Variants in RTTN observed in about 807,000 individuals in gnomAD.
The protein encoded by RTTN is rotatin.
A neutral mutation model predicts 269.2 loss-of-function variants in RTTN; 182 were observed. The ratio of observed to expected loss-of-function variants is 0.68; its 90% CI spans 0.60 to 0.76. The LOEUF (loss-of-function observed/expected upper bound fraction) is 0.76. Among genes scored for constraint, RTTN ranks in the 30% least tolerant of loss-of-function variants. The pLI, the probability that RTTN is intolerant of heterozygous loss-of-function variation, is 0.00. For synonymous variants in RTTN, 1,006 were observed against 963.5 expected (o/e 1.04, Z -0.82); for missense variants, 2,545 against 2,608.6 (o/e 0.98, Z 0.53).
chr18:70,079,563 G>A (rs2058511234), intron 32 of RTTN, among the ~76,000 whole-genome samples: 1 of 152,058 alleles, frequency 6.6e-6, no homozygotes, highest in South Asian at 2.1e-4. Flanking sequence ...GCATAGTGGG[G>A]AAATTAGAGC....
intron 32 of RTTN, among the ~76,000 whole-genome samples, chr18:70,076,154 C>T (rs1420222795): frequency 6.6e-6 from 1 of 151,944 alleles, no homozygotes; most frequent in African/African-American, 2.4e-5. Flanking sequence ...TTTTCCCAAA[C>T]AATTTTTTGC....
At chr18:70,119,296 A>G (rs537748638) in intron 26 of RTTN, among the ~76,000 whole-genome samples, 1 of 136,590 alleles carries the variant, frequency 7.3e-6, no homozygotes, top group Non-Finnish European at 1.6e-5. Flanking sequence ...GCGCCCCCCC[A>G]AAAAAAAACC....
chr18:70,024,942 C>T, intron 43 of RTTN, 94 bp from the exon 44 acceptor site: 2 of 1,396,386 alleles, frequency 1.4e-6, no homozygotes, highest in South Asian at 2.8e-5. Flanking sequence ...CAACATAAGA[C>T]CCAAGGAGAA....
chr18:70,027,394 T>C (rs2145570638), intron 43 of RTTN, among the ~76,000 whole-genome samples: 1 of 152,364 alleles, frequency 6.6e-6, no homozygotes, highest in East Asian at 1.9e-4. Context: ...CTTAATATTC[T>C]TTGGATTTAC....
chr18:70,202,561 C>G (rs1244376966), intron 3 of RTTN, among the ~76,000 whole-genome samples: 1 of 152,224 alleles, frequency 6.6e-6, no homozygotes, highest in Non-Finnish European at 1.5e-5. Flanking sequence ...AACCATTCCT[C>G]TACTTTCACC....
intron 21 of RTTN, chr18:70,139,047 C>A (rs1470723805): frequency 3.4e-5 from 5 of 148,028 alleles, no homozygotes; most frequent in African/African-American, 1.2e-4. Context: ...CTACATGAAA[C>A]GTGTTCATCT....
chr18:70,195,424 C>T (rs2061781220), intron 7 of RTTN, among the ~76,000 whole-genome samples: 1 of 152,214 alleles, frequency 6.6e-6, no homozygotes, highest in Non-Finnish European at 1.5e-5. Context: ...TGTTTATCAC[C>T]TGTCCCCAGC....
chr18:70,067,805 A>C (rs1481905156), intron 34 of RTTN, among the ~76,000 whole-genome samples: 1 of 152,228 alleles, frequency 6.6e-6, no homozygotes, highest in Non-Finnish European at 1.5e-5. Flanking sequence ...AAGAAAGCTT[A>C]TAAGGGCCCA....
At chr18:70,142,800 A>G (rs2060291215) in intron 18 of RTTN, among the ~76,000 whole-genome samples, 2 of 152,198 alleles carry the variant, frequency 1.3e-5, no homozygotes, top group South Asian at 2.1e-4. Flanking sequence ...CCTGGCCAAC[A>G]TGGTGAAACC....
chr18:70,150,510 G>T, intron 15 of RTTN, 98 bp downstream of exon 15: 1 of 1,142,534 alleles, frequency 8.8e-7, no homozygotes, highest in Non-Finnish European at 1.3e-6. Context: ...TTTCTTTTTA[G>T]TTTCTCACCA....
intron 3 of RTTN, among the ~76,000 whole-genome samples, chr18:70,202,903 A>G (rs573617055): frequency 1.6e-4 from 24 of 152,336 alleles, no homozygotes; most frequent in African/African-American, 5.5e-4. Context: ...CGCAGTACCC[A>G]CAGCTGAAGC....
chr18:70,082,656 G>A (rs1201657253), intron 32 of RTTN, among the ~76,000 whole-genome samples: 1 of 152,098 alleles, frequency 6.6e-6, no homozygotes, highest in Non-Finnish European at 1.5e-5. Context: ...CTGAATATTG[G>A]CTCTGTTTTC....
At chr18:70,042,789 T>C (rs1279715950) in intron 40 of RTTN, among the ~76,000 whole-genome samples, 2 of 152,138 alleles carry the variant, frequency 1.3e-5, no homozygotes, top group East Asian at 1.9e-4. Flanking sequence ...AACTATAAAT[T>C]ATATGTAAGG....
At chr18:70,069,271 T>C (rs950326589) in intron 34 of RTTN, among the ~76,000 whole-genome samples, 2 of 152,186 alleles carry the variant, frequency 1.3e-5, no homozygotes, top group African/African-American at 4.8e-5. Context: ...GGTAATCATT[T>C]CATCACATAT....
At chr18:70,134,354 A>G (rs2060069961) in intron 23 of RTTN, 119 bp downstream of exon 23, 1 of 764,476 alleles carries the variant, frequency 1.3e-6, no homozygotes, top group African/African-American at 1.8e-5. Flanking sequence ...AGGAACCATG[A>G]AAGCCCAAGT....
intron 43 of RTTN, among the ~76,000 whole-genome samples, chr18:70,026,688 C>T (rs2056863620): frequency 6.6e-6 from 1 of 152,154 alleles, no homozygotes; most frequent in Non-Finnish European, 1.5e-5. Flanking sequence ...CTCCAGTATT[C>T]CCTTCTCAGT....
intron 48 of RTTN, among the ~76,000 whole-genome samples, 155 bp from the exon 49 acceptor site, chr18:70,004,391 T>C (rs372677400): frequency 8.5e-5 from 13 of 152,170 alleles, no homozygotes; most frequent in East Asian, 5.8e-4. Flanking sequence ...ATATTTTGCA[T>C]TTTTTAAAAA....
At chr18:70,091,012 T>C (rs984017768) in intron 30 of RTTN, among the ~76,000 whole-genome samples, 1 of 152,242 alleles carries the variant, frequency 6.6e-6, no homozygotes, top group Non-Finnish European at 1.5e-5. Context: ...GGAATGTCTA[T>C]TCTACCATCA....
At chr18:70,127,895 T>A (rs2059906772) in intron 24 of RTTN, among the ~76,000 whole-genome samples, 154 bp from the exon 25 acceptor site, 2 of 152,172 alleles carry the variant, frequency 1.3e-5, no homozygotes, top group Admixed American at 6.6e-5. Flanking sequence ...CTGATACATA[T>A]CTGTCAATAT....
Sources: gnomAD v4.1 joint callset for allele counts (sites outside exome capture counted in the v4.1 genomes callset) on GRCh38, gnomAD v4.1.1 for gene constraint, MANE v1.5 for transcripts, NCBI Gene and HGNC (gene_info 2026-07-23, HGNC 2026-07-21) for gene names.